Variants in CTNND2 observed in about 807,000 individuals in gnomAD.
CTNND2 encodes the protein catenin delta-2.
Under a neutral mutation model 144.4 loss-of-function variants are expected in CTNND2, and 22 were observed. That is an observed-to-expected ratio of 0.15 (90% CI 0.11 to 0.22). The LOEUF (loss-of-function observed/expected upper bound fraction) is 0.22. Ranked by LOEUF, CTNND2 falls within the 10% of genes least tolerant of loss-of-function variation. The pLI, the probability that CTNND2 is intolerant of heterozygous loss-of-function variation, is 1.00. For missense variants in CTNND2, 1,353 were observed against 1,618.8 expected (o/e 0.84, Z 2.82); for synonymous variants, 751 against 695.6 (o/e 1.08, Z -1.25).
chr5:11,591,815 T>G (rs1779256558), intron 2 of CTNND2, among the ~76,000 whole-genome samples: 1 of 152,282 alleles, frequency 6.6e-6, no homozygotes, highest in South Asian at 2.1e-4. Flanking sequence ...ATGGACAATG[T>G]CAACCCACTA....
intron 1 of CTNND2, among the ~76,000 whole-genome samples, chr5:11,885,549 A>T (rs2127084478): frequency 6.6e-6 from 1 of 152,272 alleles, no homozygotes; most frequent in East Asian, 1.9e-4. Context: ...ACTTATATAA[A>T]GCAAATATTA....
At chr5:11,257,165 G>C (rs1375890835) in intron 9 of CTNND2, among the ~76,000 whole-genome samples, 1 of 152,180 alleles carries the variant, frequency 6.6e-6, no homozygotes, top group Non-Finnish European at 1.5e-5. Context: ...GTAGCAGTAG[G>C]TTTTCTCCAC....
intron 1 of CTNND2, among the ~76,000 whole-genome samples, chr5:11,780,219 C>T (rs181539795): frequency 6.6e-6 from 1 of 152,318 alleles, no homozygotes; most frequent in Non-Finnish European, 1.5e-5. Context: ...CAGCAGTCCT[C>T]ATCTCCTCTG....
chr5:11,469,264 G>A (rs1766939211), intron 3 of CTNND2, among the ~76,000 whole-genome samples: 3 of 152,010 alleles, frequency 2.0e-5, no homozygotes, highest in African/African-American at 7.3e-5. Context: ...TTTCCCCCTG[G>A]AAATCAGATA....
At chr5:11,333,266 T>C (rs1411114791) in intron 9 of CTNND2, among the ~76,000 whole-genome samples, 1 of 151,944 alleles carries the variant, frequency 6.6e-6, no homozygotes, top group Non-Finnish European at 1.5e-5. Context: ...TATTCTTTTC[T>C]TTTTTTTGTT....
chr5:11,782,354 A>G (rs1274419380), intron 1 of CTNND2, among the ~76,000 whole-genome samples: 1 of 152,140 alleles, frequency 6.6e-6, no homozygotes, highest in Non-Finnish European at 1.5e-5. Context: ...TACAAAAAAA[A>G]AGCTGACCTT....
chr5:11,301,924 C>G (rs1749650580), intron 9 of CTNND2, among the ~76,000 whole-genome samples: 1 of 152,038 alleles, frequency 6.6e-6, no homozygotes, highest in Non-Finnish European at 1.5e-5. Context: ...TTCACTGCTC[C>G]ATGACTTTCT....
chr5:11,729,992 A>G (rs1581788478), intron 2 of CTNND2, among the ~76,000 whole-genome samples: 1 of 109,790 alleles, frequency 9.1e-6, no homozygotes, highest in South Asian at 2.9e-4. Flanking sequence ...TTCTGTTTAT[A>G]TCTTTTGCCT....
intron 3 of CTNND2, among the ~76,000 whole-genome samples, chr5:11,481,823 A>G (rs1768297696): frequency 6.6e-6 from 1 of 152,192 alleles, no homozygotes; most frequent in Admixed American, 6.5e-5. Flanking sequence ...TGAAAAACAG[A>G]AAGAGTTAGA....
intron 3 of CTNND2, among the ~76,000 whole-genome samples, chr5:11,449,469 C>T (rs1045974256): frequency 3.9e-5 from 6 of 152,148 alleles, no homozygotes; most frequent in Admixed American, 3.3e-4. Flanking sequence ...CATCAAGACG[C>T]TAGTTGTCTC....
In CTNND2 at chr5:11,801,995, A is replaced by T. The variant is rs1030052675; in HGVS notation, c.38-69723T>A. ...GTGTATCTATTAAAAATCTTCTACC[A>T]GGCATGGTAGCTCATGCTTGTAATC... On this transcript the variant is annotated intron_variant, in intron 1 of 21. Coordinates refer to ENST00000304623, the MANE Select transcript of CTNND2 (RefSeq NM_001332.4). 4.6e-5 allele frequency among the ~76,000 whole-genome samples: 7 copies of T among 152,204 alleles called. No individual in the cohort carries two copies. The South Asian group carries it at 6.2e-4, about 14-fold the overall frequency.
intron 12 of CTNND2, among the ~76,000 whole-genome samples, chr5:11,144,871 A>G (rs539053778): frequency 1.8e-3 from 278 of 152,286 alleles, no homozygotes; most frequent in Middle Eastern, 6.8e-3. Context: ...CCCAGTGCTC[A>G]GCCCCTGAGT....
chr5:11,368,581 T>C (rs1581032470), intron 7 of CTNND2, among the ~76,000 whole-genome samples: 1 of 152,322 alleles, frequency 6.6e-6, no homozygotes, highest in East Asian at 1.9e-4. Context: ...GTACAACTAC[T>C]ATGAAGAATC....
intron 1 of CTNND2, among the ~76,000 whole-genome samples, chr5:11,808,437 C>T (rs1792130016): frequency 6.6e-6 from 1 of 152,162 alleles, no homozygotes; most frequent in Admixed American, 6.5e-5. Flanking sequence ...CTTAAACTAA[C>T]CCCAACTTTC....
intron 19 of CTNND2, among the ~76,000 whole-genome samples, chr5:10,991,817 T>A (rs949006692): frequency 6.6e-6 from 1 of 152,258 alleles, no homozygotes; most frequent in Non-Finnish European, 1.5e-5. Context: ...ATCAGTGCTA[T>A]GTGTCAAATG....
At chr5:11,155,625 C>G (rs573825704) in intron 12 of CTNND2, among the ~76,000 whole-genome samples, 3 of 152,126 alleles carry the variant, frequency 2.0e-5, no homozygotes, top group Admixed American at 2.0e-4. Flanking sequence ...ACAGCTCTAA[C>G]CCCCGCAACC....
intron 6 of CTNND2, among the ~76,000 whole-genome samples, chr5:11,390,047 C>T (rs1314955910): frequency 6.6e-6 from 1 of 152,202 alleles, no homozygotes; most frequent in African/African-American, 2.4e-5. Context: ...ATCCAAAACA[C>T]TTCTGATCCC....
intron 10 of CTNND2, among the ~76,000 whole-genome samples, chr5:11,215,279 C>T: frequency 6.6e-6 from 1 of 152,200 alleles, no homozygotes; most frequent in Non-Finnish European, 1.5e-5. Flanking sequence ...TATCATGACA[C>T]TGGTCTGGCA....
chr5:11,868,850 G>A (rs568002955), intron 1 of CTNND2, among the ~76,000 whole-genome samples: 6 of 152,208 alleles, frequency 3.9e-5, no homozygotes, highest in Non-Finnish European at 7.4e-5. Context: ...CACAAGATAC[G>A]GCCCCTGGAC....
Sources: gnomAD v4.1 joint callset for allele counts (sites outside exome capture counted in the v4.1 genomes callset) on GRCh38, gnomAD v4.1.1 for gene constraint, MANE v1.5 for transcripts, NCBI Gene and HGNC (gene_info 2026-07-23, HGNC 2026-07-21) for gene names.